CCDC39: variants seen among roughly 807,000 people sequenced by gnomAD.
CCDC39 encodes the protein coiled-coil domain-containing protein 39.
A neutral mutation model predicts 121.0 loss-of-function variants in CCDC39; 113 were observed. The observed-to-expected ratio is 0.93, with a 90% CI of 0.80 to 1.09. The LOEUF is 1.09. CCDC39 is among the 50% of genes least tolerant of loss of function. The pLI is 0.00. For synonymous variants in CCDC39, 349 were observed against 352.2 expected, an observed-to-expected ratio of 0.99 and a Z score of 0.10; for missense variants, 1,063 against 1,074.7, an observed-to-expected ratio of 0.99 and a Z score of 0.15.
intron 1 of CCDC39, among the ~76,000 whole-genome samples, chr3:180,672,857 C>T (rs1162003372): frequency 6.6e-6 from 1 of 152,066 alleles, no homozygotes; most frequent in Non-Finnish European, 1.5e-5. Flanking sequence ...ATTATTGATG[C>T]CATTAAGAAC....
chr3:180,679,449 G>A lies in CCDC39; in HGVS notation c.-69C>T. On this transcript the variant is annotated 5_prime_UTR_variant, in exon 1 of 20. Coordinates refer to ENST00000476379, the MANE Select transcript of CCDC39 (RefSeq NM_181426.2). This position sits in a 1 kb window ranked among gnomAD's most constrained non-coding sequence, Gnocchi z 4.0. Reference sequence around the variant, plus strand: ...CTTGTACAGCGGGTGAGCAGCACCCGCGTCAAGCCCAGGCACCTGCACAGT... The same window carrying A: ...CTTGTACAGCGGGTGAGCAGCACCCACGTCAAGCCCAGGCACCTGCACAGT... 2.8e-6 allele frequency: 4 copies of A among 1,448,124 alleles called. No individual in the cohort carries two copies. Among genetic ancestry groups the A allele is most frequent in the Non-Finnish European group, 3.9e-6 (4 of 1,029,780 alleles). 89.7% of individuals were successfully genotyped at this position (1,448,124 alleles called of 1,614,324 possible).
intron 6 of CCDC39, among the ~76,000 whole-genome samples, chr3:180,656,602 C>A (rs1402665871): frequency 6.6e-6 from 1 of 152,142 alleles, no homozygotes; most frequent in African/African-American, 2.4e-5. Context: ...CATAAGGCTG[C>A]GACCTACGGG....
At chr3:180,651,195 C>CA (rs376361511) in intron 9 of CCDC39, among the ~76,000 whole-genome samples, 110 of 146,030 alleles carry the variant, frequency 7.5e-4, no homozygotes, top group African/African-American at 1.6e-3. Flanking sequence ...GACTTCATCA[C>CA]AAAAAAAAAG....
At chr3:180,626,360 G>A (rs917702483) in intron 14 of CCDC39, among the ~76,000 whole-genome samples, 3 of 152,138 alleles carry the variant, frequency 2.0e-5, no homozygotes, top group Non-Finnish European at 2.9e-5. Context: ...CCTTTAAGGA[G>A]GTTCTGGCTG....
chr3:180,634,549 T>C (rs1054912807), intron 13 of CCDC39, among the ~76,000 whole-genome samples: 2 of 152,110 alleles, frequency 1.3e-5, no homozygotes, highest in Non-Finnish European at 2.9e-5. Flanking sequence ...AGGTACCTTA[T>C]TCAGCTGCCT....
At chr3:180,650,807 A>T (rs1474786232) in intron 9 of CCDC39, among the ~76,000 whole-genome samples, 1 of 152,018 alleles carries the variant, frequency 6.6e-6, no homozygotes, top group Non-Finnish European at 1.5e-5. Flanking sequence ...TAGTGAGCTG[A>T]GATCATGTCA....
At chr3:180,631,694 T>A in intron 13 of CCDC39, 102 bp from the exon 14 acceptor site, 2 of 952,316 alleles carry the variant, frequency 2.1e-6, no homozygotes, top group Non-Finnish European at 3.1e-6. Flanking sequence ...GTGTTACTAC[T>A]AAACTCAAAC....
intron 16 of CCDC39, among the ~76,000 whole-genome samples, chr3:180,618,154 C>G (rs1717319167): frequency 6.6e-6 from 1 of 152,160 alleles, no homozygotes; most frequent in African/African-American, 2.4e-5. Flanking sequence ...TGTAAGTACA[C>G]TCTTATGATG....
chr3:180,677,440 T>TA (rs1263274568), intron 1 of CCDC39, among the ~76,000 whole-genome samples: 1 of 151,422 alleles, frequency 6.6e-6, no homozygotes, highest in East Asian at 1.9e-4. Flanking sequence ...TTAAAAATGA[T>TA]AAAACCATTA....
intron 16 of CCDC39, among the ~76,000 whole-genome samples, chr3:180,618,808 T>A (rs1717344578): frequency 6.6e-6 from 1 of 152,174 alleles, no homozygotes; most frequent in Non-Finnish European, 1.5e-5. Flanking sequence ...AGTCTATCAT[T>A]GTTGGACATT....
At chr3:180,667,238 G>C (rs1711901450) in intron 1 of CCDC39, among the ~76,000 whole-genome samples, 1 of 152,146 alleles carries the variant, frequency 6.6e-6, no homozygotes, top group Non-Finnish European at 1.5e-5. Flanking sequence ...CAAAGATTCA[G>C]AGTGTTTACA....
At chr3:180,620,828 T>A (rs1380101658) in intron 14 of CCDC39, among the ~76,000 whole-genome samples, 1 of 152,090 alleles carries the variant, frequency 6.6e-6, no homozygotes, top group Non-Finnish European at 1.5e-5. Flanking sequence ...ATGGGTATAT[T>A]GTGTAGTGGT....
chr3:180,676,575 G>A (rs1292744972), intron 1 of CCDC39, among the ~76,000 whole-genome samples: 1 of 152,190 alleles, frequency 6.6e-6, no homozygotes, highest in Non-Finnish European at 1.5e-5. Context: ...CATTGTGGAA[G>A]ACAGTGTGGC....
chr3:180,654,336 C>T (rs1385226652), intron 7 of CCDC39, among the ~76,000 whole-genome samples: 1 of 148,292 alleles, frequency 6.7e-6, no homozygotes, highest in East Asian at 2.0e-4. Context: ...CACTGTAAAA[C>T]TTCTCAAAGA....
intron 3 of CCDC39, among the ~76,000 whole-genome samples, chr3:180,661,461 G>A (rs914672599): frequency 1.3e-5 from 2 of 152,006 alleles, no homozygotes; most frequent in African/African-American, 4.8e-5. Flanking sequence ...GGTTAAAGTA[G>A]TTTAATGTTA....
At position 180,661,999 on chromosome 3, in the gene CCDC39, G is replaced by A. The variant is rs766631443; in HGVS notation, c.219C>T (p.Cys73=). The A allele has an allele frequency of 2.2e-5, 34 of 1,550,250 alleles. No homozygotes were observed. The highest frequency in any genetic ancestry group is 1.1e-4 in the South Asian group (9 of 83,304). The change falls in exon 3 of 20, where the codon TGC becomes TGT. Residue 73 remains cysteine, a synonymous_variant. Coordinates refer to ENST00000476379, the MANE Select transcript of CCDC39 (RefSeq NM_181426.2). ...TTTCAGTCTCACGCTCCCTTGCTTT[G>A]CAAAGAGACTACAGAATAACACACA... ...KQELSITQSL[C]KARERETESE...
In CCDC39 at chr3:180,677,158, AATAATAATTT is replaced by A. The variant is rs1465886989; in HGVS notation, c.90+2123_90+2132del. 7.8e-5 allele frequency among the ~76,000 whole-genome samples: 8 copies of A among 103,130 alleles called. 1 individual carries two copies. Among genetic ancestry groups the A allele is most frequent in the African/African-American group, 3.7e-4 (8 of 21,776 alleles). 67.7% of individuals were successfully genotyped at this position (103,130 alleles called of 152,430 possible). On this transcript the variant is annotated intron_variant, in intron 1 of 19. Coordinates refer to ENST00000476379, the MANE Select transcript of CCDC39 (RefSeq NM_181426.2). ...CTTAAAGTATTATAATAATAATAAT[AATAATAATTT>A]TATATATATATATATATATATATAT...
At position 180,660,727 on chromosome 3, in the gene CCDC39, T is replaced by C. The variant is rs748958139; in HGVS notation, c.359A>G (p.Asn120Ser). 3.8e-6 allele frequency: 6 copies of C among 1,597,328 alleles called. No individual in the cohort carries two copies. Among genetic ancestry groups the C allele is most frequent in the Non-Finnish European group, 5.1e-6 (6 of 1,170,672 alleles). The change falls in exon 4 of 20, where the codon AAT becomes AGT. Residue 120 changes from asparagine to serine, a missense_variant and splice_region_variant. Transcript: ENST00000476379. Reference protein sequence around the residue: ...SILEKKSDKENGIFKATQKLD... With the variant: ...SILEKKSDKESGIFKATQKLD... ...TTTTTGAGTGGCTTTAAATATGCCA[T>C]TCTAATTTCCAAAGAGAGAGAGAAA...
chr3:180,625,353 T>C (rs1462967751), intron 14 of CCDC39, among the ~76,000 whole-genome samples: 3 of 151,784 alleles, frequency 2.0e-5, no homozygotes, highest in Admixed American at 6.5e-5. Context: ...TTTTTCTTTT[T>C]TTTTTTTTTT....
Sources: allele counts gnomAD v4.1 joint callset (sites outside exome capture counted in the v4.1 genomes callset), GRCh38; gene constraint gnomAD v4.1.1; non-coding constraint Gnocchi (gnomAD v3.1); transcripts MANE v1.5; gene names NCBI Gene and HGNC (gene_info 2026-07-23, HGNC 2026-07-21).